The following NRG2 variants were observed in gnomAD, a reference collection of about 807,000 sequenced individuals.
NRG2 encodes the protein pro-neuregulin-2, membrane-bound isoform.
Under a neutral mutation model 73.9 loss-of-function variants are expected in NRG2, and 27 were observed. The observed-to-expected ratio is 0.37, with a 90% CI of 0.27 to 0.50. NRG2 has a LOEUF of 0.50. NRG2 is among the 20% of genes least tolerant of loss of function. The probability of loss-of-function intolerance (pLI) is 0.96; values close to 1 mark genes in which losing one functional copy is unlikely to be tolerated. For synonymous variants in NRG2, 532 were observed against 541.0 expected (o/e 0.98, Z 0.23); for missense variants, 1,126 against 1,210.1 (o/e 0.93, Z 1.03).
At position 139,871,847 on chromosome 5, in the gene NRG2, G is replaced by C. The variant is rs1242257320; in HGVS notation, c.992-6C>G. ...GGATGACAGGGTGGTGCTCACTGAGGGTATGAGAGACATGTGCCAGTGACG... is the reference window on the plus strand; with the variant it reads ...GGATGACAGGGTGGTGCTCACTGAGCGTATGAGAGACATGTGCCAGTGACG... On this transcript the variant is annotated splice_polypyrimidine_tract_variant and splice_region_variant and intron_variant, in intron 3 of 9. Coordinates refer to ENST00000361474, the MANE Select transcript of NRG2 (RefSeq NM_004883.3). 5 of 1,613,434 alleles carry C rather than the reference G, an allele frequency of 3.1e-6. No homozygotes were observed. The highest frequency in any genetic ancestry group is 2.2e-5 in the East Asian group (1 of 44,878).
chr5:140,036,704 C>A (rs190143735), intron 1 of NRG2, among the ~76,000 whole-genome samples: 65 of 152,292 alleles, frequency 4.3e-4, no homozygotes, highest in African/African-American at 1.5e-3. Context: ...GAAATCCCCA[C>A]ACCATATACA....
At chr5:140,035,003 C>T (rs959058010) in intron 1 of NRG2, among the ~76,000 whole-genome samples, 1 of 152,194 alleles carries the variant, frequency 6.6e-6, no homozygotes, top group Non-Finnish European at 1.5e-5. Flanking sequence ...GGGAAGATCA[C>T]TTGAGCTCAG....
chr5:140,038,428 C>T (rs1401179557), intron 1 of NRG2, among the ~76,000 whole-genome samples: 1 of 152,178 alleles, frequency 6.6e-6, no homozygotes, highest in East Asian at 1.9e-4. Context: ...CCCATTAACA[C>T]TAATCAGCAC....
intron 1 of NRG2, among the ~76,000 whole-genome samples, chr5:139,957,673 A>G (rs566850062): frequency 5.7e-4 from 87 of 152,336 alleles, no homozygotes; most frequent in African/African-American, 2.0e-3. Context: ...ACTCACTGTC[A>G]AGAGCTGCAG....
intron 1 of NRG2, among the ~76,000 whole-genome samples, chr5:139,995,886 T>C (rs1005917088): frequency 1.3e-5 from 2 of 152,148 alleles, no homozygotes; most frequent in African/African-American, 4.8e-5. Flanking sequence ...CATGGTGGCA[T>C]GTGCTTGTAG....
intron 1 of NRG2, among the ~76,000 whole-genome samples, chr5:139,908,317 G>C (rs1765371665): frequency 6.6e-6 from 1 of 152,212 alleles, no homozygotes; most frequent in Non-Finnish European, 1.5e-5. Flanking sequence ...GGAAGGAGAA[G>C]ATAGTGGAGA....
Position 139,904,491 on chromosome 5 carries a change from CTT to C in NRG2, c.701-16982_701-16981del. The C allele has an allele frequency of 1.4e-6, 1 of 696,096 alleles. No individual in the cohort carries two copies. Among genetic ancestry groups the C allele is most frequent in the South Asian group, 1.9e-5 (1 of 51,900 alleles). The allele number at this position is 696,096 out of a possible 1,614,324, so 43.1% of individuals were successfully genotyped here. ...CAGCCTCAGTGCCCGAGCGCGGCGC[CTT>C]TCTTATAGGCGGTCACACCCTCCGG... On this transcript the variant is annotated intron_variant, in intron 1 of 9. Transcript: ENST00000361474. This position sits in a 1 kb window ranked among gnomAD's most constrained non-coding sequence, Gnocchi z 6.0.
chr5:139,996,895 A>G (rs566761811), intron 1 of NRG2, among the ~76,000 whole-genome samples: 32 of 151,968 alleles, frequency 2.1e-4, no homozygotes, highest in African/African-American at 7.5e-4. Flanking sequence ...GCACTCTGGG[A>G]AGCCGATGGG....
chr5:139,924,374 A>G (rs1751894525), intron 1 of NRG2, among the ~76,000 whole-genome samples: 1 of 152,146 alleles, frequency 6.6e-6, no homozygotes, highest in South Asian at 2.1e-4. Flanking sequence ...AAAGCAAAAT[A>G]CCCTGAGTAT....
intron 2 of NRG2, among the ~76,000 whole-genome samples, chr5:139,882,653 C>T (rs1581853106): frequency 1.3e-5 from 2 of 152,142 alleles, no homozygotes; most frequent in East Asian, 3.9e-4. Flanking sequence ...GCTTCTCTCA[C>T]TTCCCTGTGC....
chr5:139,997,883 T>C (rs1000441236), intron 1 of NRG2, among the ~76,000 whole-genome samples: 1 of 152,174 alleles, frequency 6.6e-6, no homozygotes, highest in African/African-American at 2.4e-5. Context: ...ATGGGCCGGG[T>C]TTCCCGCTGG....
intron 1 of NRG2, among the ~76,000 whole-genome samples, chr5:139,937,987 G>A (rs946436614): frequency 6.6e-6 from 1 of 152,216 alleles, no homozygotes; most frequent in African/African-American, 2.4e-5. Flanking sequence ...GATAAGGCAG[G>A]AGGATTGCTT....
intron 1 of NRG2, among the ~76,000 whole-genome samples, chr5:139,999,968 T>C (rs1246649713): frequency 6.6e-6 from 1 of 152,206 alleles, no homozygotes; most frequent in South Asian, 2.1e-4. Flanking sequence ...TCTCGCTAAG[T>C]GATGGGATGA....
intron 1 of NRG2, among the ~76,000 whole-genome samples, chr5:140,034,573 G>A (rs1283648638): frequency 6.6e-6 from 1 of 151,898 alleles, no homozygotes; most frequent in Non-Finnish European, 1.5e-5. Flanking sequence ...ACACAATTAT[G>A]TACATAGAAA....
intron 1 of NRG2, among the ~76,000 whole-genome samples, chr5:139,988,463 A>C (rs1580885056): frequency 6.6e-6 from 1 of 152,092 alleles, no homozygotes; most frequent in East Asian, 1.9e-4. Context: ...CAGTGCTAAA[A>C]AGAAAAAAGC....
Position 139,923,430 on chromosome 5 carries a change from G to A in NRG2, c.701-35919C>T, listed in dbSNP as rs10058273. Among the ~76,000 whole-genome samples the A allele has an allele frequency of 5.5e-3, 837 of 152,230 alleles. 13 individuals carry two copies. The highest frequency in any genetic ancestry group is 0.018 in the African/African-American group (753 of 41,532). Reference sequence around the variant, plus strand: ...AGGGATAGAGCATGAGGGTCACAGGGCAGAAGTAGGTTACCAGGACTTGCT... The same window carrying A: ...AGGGATAGAGCATGAGGGTCACAGGACAGAAGTAGGTTACCAGGACTTGCT... On this transcript the variant is annotated intron_variant, in intron 1 of 9. Coordinates refer to ENST00000361474, the MANE Select transcript of NRG2 (RefSeq NM_004883.3).
intron 1 of NRG2, among the ~76,000 whole-genome samples, chr5:139,963,859 A>G (rs1755267263): frequency 6.6e-6 from 1 of 152,156 alleles, no homozygotes; most frequent in Non-Finnish European, 1.5e-5. Context: ...AGGTAAGAAT[A>G]CTCAATCACA....
In NRG2 at chr5:140,042,496, G is replaced by A; in HGVS notation, c.574C>T (p.Gln192Ter). ...GGCTCCAGGAAAAAGATGTAGCGCTGGTTCCTTTCGAGCGGCACACAGGAG... is the reference window on the plus strand; with the variant it reads ...GGCTCCAGGAAAAAGATGTAGCGCTAGTTCCTTTCGAGCGGCACACAGGAG... ...VGSCVPLERN[Q>*]RYIFFLEPTE... The change falls in exon 1 of 10, where the codon CAG becomes TAG. Residue 192 changes from glutamine (Q) to a stop codon, truncating the protein, a stop_gained. Transcript: ENST00000361474. LOFTEE classifies it high-confidence loss of function. 1.2e-6 allele frequency: 2 copies of A among 1,613,776 alleles called. No individual in the cohort carries two copies. The highest frequency in any genetic ancestry group is 1.7e-6 in the Non-Finnish European group (2 of 1,179,918).
At position 139,894,877 on chromosome 5, in the gene NRG2, C is replaced by G. The variant is rs6891203; in HGVS notation, c.701-7366G>C. 6.6e-6 allele frequency among the ~76,000 whole-genome samples: 1 copy of G among 152,174 alleles called. No individual in the cohort carries two copies. Among genetic ancestry groups the G allele is most frequent in the African/African-American group, 2.4e-5 (1 of 41,438 alleles). The stretch of plus-strand genomic sequence containing the variant: ...TGCACCAGTGAAAACCAGCCTAGAC[C>G]TGATGGGCTTTCAGCTCAGCAGCCC... On this transcript the variant is annotated intron_variant, in intron 1 of 9. Transcript: ENST00000361474. This position sits in a 1 kb window ranked among gnomAD's most constrained non-coding sequence, Gnocchi z 5.0.
Sources: gnomAD v4.1 joint callset for allele counts (sites outside exome capture counted in the v4.1 genomes callset) on GRCh38, gnomAD v4.1.1 for gene constraint, Gnocchi (gnomAD v3.1) non-coding constraint, MANE v1.5 for transcripts, NCBI Gene and HGNC (gene_info 2026-07-23, HGNC 2026-07-21) for gene names.